The following ADAMTSL1 variants were observed in gnomAD, a reference collection of about 807,000 sequenced individuals.
The protein encoded by ADAMTSL1 is ADAMTS-like protein 1.
Under a neutral mutation model 201.8 loss-of-function variants are expected in ADAMTSL1, and 126 were observed. The observed-to-expected ratio is 0.62, with a 90% CI of 0.54 to 0.72. The LOEUF (loss-of-function observed/expected upper bound fraction) is 0.72. Ranked by LOEUF, ADAMTSL1 falls within the 30% of genes least tolerant of loss-of-function variation. The pLI is 0.00. For synonymous variants in ADAMTSL1, 1,121 were observed against 903.4 expected (o/e 1.24, Z -4.32); for missense variants, 2,679 against 2,277.8 (o/e 1.18, Z -3.59).
intron 1 of ADAMTSL1, among the ~76,000 whole-genome samples, chr9:18,001,043 A>T (rs1043859632): frequency 1.3e-5 from 2 of 152,064 alleles, no homozygotes; most frequent in African/African-American, 4.8e-5. Flanking sequence ...CTAAAAGGAA[A>T]ATGAAAATGC....
At chr9:18,569,865 A>G (rs1822182840) in intron 3 of ADAMTSL1, among the ~76,000 whole-genome samples, 1 of 152,196 alleles carries the variant, frequency 6.6e-6, no homozygotes, top group East Asian at 1.9e-4. Context: ...CTAGGATATG[A>G]TGAGAGCAGA....
At chr9:18,872,659 C>T (rs978945443) in intron 23 of ADAMTSL1, among the ~76,000 whole-genome samples, 2 of 152,108 alleles carry the variant, frequency 1.3e-5, no homozygotes, top group Admixed American at 6.6e-5. Context: ...GCTGCAAATG[C>T]CATTATTTCA....
At chr9:18,463,758 TAA>T (rs1190921237) in intron 2 of ADAMTSL1, among the ~76,000 whole-genome samples, 1 of 152,254 alleles carries the variant, frequency 6.6e-6, no homozygotes, top group East Asian at 1.9e-4. Flanking sequence ...CATTTGTCAA[TAA>T]AGACTTGGGT....
chr9:18,313,090 G>A (rs1263577919), intron 2 of ADAMTSL1, among the ~76,000 whole-genome samples: 1 of 152,206 alleles, frequency 6.6e-6, no homozygotes, highest in African/African-American at 2.4e-5. Flanking sequence ...GGGTTGGAAT[G>A]ACATGTGACT....
intron 3 of ADAMTSL1, among the ~76,000 whole-genome samples, chr9:18,555,488 T>G (rs1821051212): frequency 6.6e-6 from 1 of 152,028 alleles, no homozygotes; most frequent in Non-Finnish European, 1.5e-5. Context: ...GGAAGGTCCT[T>G]AATTCATTCC....
intron 3 of ADAMTSL1, among the ~76,000 whole-genome samples, chr9:18,554,233 T>A (rs1820968850): frequency 6.6e-6 from 1 of 151,838 alleles, no homozygotes; most frequent in Non-Finnish European, 1.5e-5. Context: ...CTTAAAAATG[T>A]CCATAAGCAT....
At chr9:18,291,257 T>C (rs780637492) in intron 2 of ADAMTSL1, among the ~76,000 whole-genome samples, 9 of 150,462 alleles carry the variant, frequency 6.0e-5, no homozygotes, top group Admixed American at 2.0e-4. Context: ...TTGATACCCA[T>C]TGGTAGCAAT....
intron 2 of ADAMTSL1, among the ~76,000 whole-genome samples, chr9:18,436,165 G>A (rs1228462749): frequency 6.6e-6 from 1 of 152,158 alleles, no homozygotes; most frequent in African/African-American, 2.4e-5. Context: ...GTCTGAAGGA[G>A]GCTAGGGGGA....
intron 1 of ADAMTSL1, among the ~76,000 whole-genome samples, chr9:17,957,579 G>C (rs1255590378): frequency 6.6e-6 from 1 of 152,180 alleles, no homozygotes; most frequent in Admixed American, 6.5e-5. Flanking sequence ...TGATAAATCA[G>C]GTGGGACCTT....
intron 21 of ADAMTSL1, among the ~76,000 whole-genome samples, chr9:18,819,306 AT>A (rs1200229307): frequency 1.3e-5 from 2 of 152,180 alleles, no homozygotes; most frequent in African/African-American, 4.8e-5. Context: ...AATTACAAAA[AT>A]TAGCCAGGCA....
At chr9:18,416,102 A>G (rs752437583) in intron 2 of ADAMTSL1, among the ~76,000 whole-genome samples, 12 of 152,104 alleles carry the variant, frequency 7.9e-5, no homozygotes, top group African/African-American at 2.2e-4. Context: ...ATGGAGCTAC[A>G]GAAAGGAATG....
At chr9:18,889,842 C>T in intron 25 of ADAMTSL1, 94 bp downstream of exon 25, 4 of 1,242,474 alleles carry the variant, frequency 3.2e-6, no homozygotes, top group South Asian at 2.1e-5. Flanking sequence ...TAGCACTGTG[C>T]AGGGAGAGAT....
At chr9:18,639,561 A>G (rs1827318266) in intron 7 of ADAMTSL1, 150 bp downstream of exon 7, 2 of 828,060 alleles carry the variant, frequency 2.4e-6, no homozygotes, top group Non-Finnish European at 3.7e-6. Flanking sequence ...GTGTTGAGCT[A>G]GCTGCATCCT....
intron 1 of ADAMTSL1, among the ~76,000 whole-genome samples, chr9:18,008,400 C>A (rs1166740014): frequency 6.6e-6 from 1 of 151,920 alleles, no homozygotes; most frequent in East Asian, 2.0e-4. Flanking sequence ...AACAAACAAA[C>A]TTTTTTACCA....
intron 19 of ADAMTSL1, among the ~76,000 whole-genome samples, chr9:18,778,983 A>G (rs1291393304): frequency 6.6e-6 from 1 of 152,208 alleles, no homozygotes; most frequent in Admixed American, 6.5e-5. Flanking sequence ...TGTTTGACTA[A>G]TAGTCTTCTC....
intron 1 of ADAMTSL1, among the ~76,000 whole-genome samples, chr9:18,494,293 T>C (rs900186784): frequency 3.3e-5 from 5 of 151,378 alleles, no homozygotes; most frequent in Admixed American, 3.3e-4. Flanking sequence ...AAGGTGGAGA[T>C]TGCAGTGAGC....
Position 18,686,412 on chromosome 9 carries a change from T to C in ADAMTSL1, c.1574+1612T>C, listed in dbSNP as rs546142949. 4.6e-5 allele frequency among the ~76,000 whole-genome samples: 7 copies of C among 152,312 alleles called. No homozygotes were observed. In the South Asian group the frequency reaches 1.4e-3, roughly 32 times the overall value. On this transcript the variant is annotated intron_variant, in intron 13 of 28. Transcript: ENST00000380548. Reference sequence around the variant, plus strand: ...AATGAAAATATAAAGGCTTACAATTTTTTGCTTCTCCTCTGCCAGTACCTG... The same window carrying C: ...AATGAAAATATAAAGGCTTACAATTCTTTGCTTCTCCTCTGCCAGTACCTG...
In ADAMTSL1 at chr9:18,666,026, C is replaced by T. The variant is rs536707365; in HGVS notation, c.1085+3953C>T. On this transcript the variant is annotated intron_variant, in intron 9 of 28. Transcript: ENST00000380548. Reference sequence around the variant, plus strand: ...CATACTTTATACAGTAGATACTTGGCATTGAATAATTTGGCATTCTTGGTT... The same window carrying T: ...CATACTTTATACAGTAGATACTTGGTATTGAATAATTTGGCATTCTTGGTT... Among the ~76,000 whole-genome samples the T allele has an allele frequency of 5.3e-5, 8 of 152,222 alleles. No homozygotes were observed. The South Asian group carries it at 1.7e-3, about 32-fold the overall frequency.
intron 2 of ADAMTSL1, among the ~76,000 whole-genome samples, chr9:18,412,060 G>C (rs1466018767): frequency 6.6e-6 from 1 of 152,162 alleles, no homozygotes; most frequent in African/African-American, 2.4e-5. Context: ...ACTTGTCAGG[G>C]AAACTGGGTC....
Sources: allele counts gnomAD v4.1 joint callset (sites outside exome capture counted in the v4.1 genomes callset), GRCh38; gene constraint gnomAD v4.1.1; transcripts MANE v1.5; gene names NCBI Gene and HGNC (gene_info 2026-07-23, HGNC 2026-07-21).